Variants in CADM2 observed in about 807,000 individuals in gnomAD.
CADM2 encodes the protein immunoglobulin superfamily member 4D.
CADM2 carries 12 observed loss-of-function variants against 49.8 expected under a neutral mutation model. The observed-to-expected ratio is 0.24, with a 90% confidence interval of 0.15 to 0.39. The LOEUF (loss-of-function observed/expected upper bound fraction) is 0.39, where lower values mean the gene tolerates loss of function less well. Ranked by LOEUF, CADM2 falls within the 10% of genes least tolerant of loss-of-function variation. The pLI is 1.00. For synonymous variants in CADM2, 214 were observed against 175.4 expected, an observed-to-expected ratio of 1.22 and a Z score of -1.74; for missense variants, 378 against 492.3, an observed-to-expected ratio of 0.77 and a Z score of 2.20.
intron 2 of CADM2, among the ~76,000 whole-genome samples, chr3:85,772,425 C>T (rs564356857): frequency 6.6e-6 from 1 of 152,014 alleles, no homozygotes; most frequent in African/African-American, 2.4e-5. Context: ...ATGTGTCCAT[C>T]TAAGTAGAAT....
intron 2 of CADM2, among the ~76,000 whole-genome samples, chr3:85,772,946 G>A (rs764613317): frequency 4.7e-5 from 7 of 147,518 alleles, no homozygotes; most frequent in Non-Finnish European, 7.4e-5. Flanking sequence ...CTAAAAATGT[G>A]ATCATTTTGC....
At chr3:85,903,094 T>A (rs543449861) in intron 5 of CADM2, among the ~76,000 whole-genome samples, 4 of 152,256 alleles carry the variant, frequency 2.6e-5, no homozygotes, top group Non-Finnish European at 4.4e-5. Context: ...ACTTACTTTT[T>A]ATCCACTTCC....
intron 1 of CADM2, among the ~76,000 whole-genome samples, chr3:85,638,250 A>G (rs923863967): frequency 3.9e-5 from 6 of 152,202 alleles, no homozygotes; most frequent in Non-Finnish European, 7.4e-5. Context: ...TATGAAATGC[A>G]TGAATTTCAA....
At chr3:85,420,351 ATATGT>A (rs2036112445) in intron 1 of CADM2, among the ~76,000 whole-genome samples, 1 of 152,220 alleles carries the variant, frequency 6.6e-6, no homozygotes, top group Non-Finnish European at 1.5e-5. Flanking sequence ...TCTGTAAAAT[ATATGT>A]TATATTTAGT....
At chr3:85,616,656 A>G (rs767924821) in intron 1 of CADM2, among the ~76,000 whole-genome samples, 27 of 152,180 alleles carry the variant, frequency 1.8e-4, no homozygotes, top group Admixed American at 8.5e-4. Context: ...ACACTGTCTC[A>G]AAATAGCATA....
At chr3:85,850,214 C>T (rs950618818) in intron 3 of CADM2, among the ~76,000 whole-genome samples, 1 of 151,766 alleles carries the variant, frequency 6.6e-6, no homozygotes, top group African/African-American at 2.4e-5. Flanking sequence ...TATCACTGTG[C>T]CTGCCAGTTA....
intron 1 of CADM2, among the ~76,000 whole-genome samples, chr3:85,371,446 T>C (rs1324212426): frequency 6.6e-6 from 1 of 151,920 alleles, no homozygotes. Flanking sequence ...ATTCTGTACA[T>C]GTTTGTACCC....
intron 1 of CADM2, among the ~76,000 whole-genome samples, chr3:85,156,164 A>C (rs2107656668): frequency 6.6e-6 from 1 of 152,260 alleles, no homozygotes; most frequent in Admixed American, 6.5e-5. Context: ...AAAGCCCTTC[A>C]AAAAATTAAT....
intron 1 of CADM2, among the ~76,000 whole-genome samples, chr3:85,491,301 A>G (rs1457772488): frequency 6.6e-6 from 1 of 152,146 alleles, no homozygotes. Flanking sequence ...TTTTATTTAG[A>G]TTTGGAAATT....
intron 1 of CADM2, among the ~76,000 whole-genome samples, chr3:85,479,340 T>C (rs1020467354): frequency 1.3e-5 from 2 of 151,918 alleles, no homozygotes; most frequent in African/African-American, 4.8e-5. Context: ...AAGGAATGTG[T>C]TAAATGGAAA....
intron 1 of CADM2, among the ~76,000 whole-genome samples, chr3:85,001,220 TA>T (rs1156722152): frequency 4.6e-5 from 7 of 152,072 alleles, no homozygotes; most frequent in Non-Finnish European, 8.8e-5. Context: ...TCTATTTAAT[TA>T]TTCACTTTCT....
chr3:85,733,528 A>C (rs1340330698), intron 2 of CADM2, among the ~76,000 whole-genome samples: 1 of 152,164 alleles, frequency 6.6e-6, no homozygotes. Context: ...AGAGTGTTAT[A>C]TATTCCATTT....
At chr3:85,830,942 G>A (rs1036237594) in intron 3 of CADM2, among the ~76,000 whole-genome samples, 1 of 151,566 alleles carries the variant, frequency 6.6e-6, no homozygotes, top group Admixed American at 6.6e-5. Context: ...CATCTCCCAA[G>A]TTGTGAGCAT....
At chr3:85,368,153 C>T (rs1173849007) in intron 1 of CADM2, among the ~76,000 whole-genome samples, 3 of 151,946 alleles carry the variant, frequency 2.0e-5, no homozygotes, top group Non-Finnish European at 4.4e-5. Context: ...TGTGTTTGAC[C>T]AGAGCCCTTG....
chr3:85,378,030 A>G (rs2033692918), intron 1 of CADM2, among the ~76,000 whole-genome samples: 1 of 151,636 alleles, frequency 6.6e-6, no homozygotes, highest in Non-Finnish European at 1.5e-5. Context: ...TTCAGGAATC[A>G]TTTTTTTTGC....
At chr3:85,883,736 T>C (rs1713155589) in intron 4 of CADM2, among the ~76,000 whole-genome samples, 1 of 152,214 alleles carries the variant, frequency 6.6e-6, no homozygotes. Flanking sequence ...TAATTTCTTT[T>C]TTATCAAATA....
chr3:85,723,428 G>A (rs889434555), intron 1 of CADM2, among the ~76,000 whole-genome samples: 5 of 152,076 alleles, frequency 3.3e-5, no homozygotes, highest in African/African-American at 1.2e-4. Context: ...TGCTGACAAT[G>A]GAAAATCTTA....
At chr3:85,645,905 C>A (rs1045698274) in intron 1 of CADM2, among the ~76,000 whole-genome samples, 1 of 152,000 alleles carries the variant, frequency 6.6e-6, no homozygotes, top group Admixed American at 6.6e-5. Flanking sequence ...AGTGGAACAG[C>A]ATTCTTGACC....
chr3:85,366,574 CA>C (rs2032802171), intron 1 of CADM2, among the ~76,000 whole-genome samples: 1 of 152,164 alleles, frequency 6.6e-6, no homozygotes, highest in East Asian at 1.9e-4. Flanking sequence ...AATTTAACCA[CA>C]GGGGAGAAGT....
Sources: gnomAD v4.1 joint callset for allele counts (sites outside exome capture counted in the v4.1 genomes callset) on GRCh38, gnomAD v4.1.1 for gene constraint, MANE v1.5 for transcripts, NCBI Gene and HGNC (gene_info 2026-07-23, HGNC 2026-07-21) for gene names.